The following MYOM1 variants were observed in gnomAD, a reference collection of about 807,000 sequenced individuals.
MYOM1 encodes myomesin 1.
In MYOM1, 164 loss-of-function variants were observed where a neutral mutation model predicts 205.3. That is an observed-to-expected ratio of 0.80 (90% confidence interval 0.70 to 0.91). The LOEUF (loss-of-function observed/expected upper bound fraction) is 0.91, where lower values mean the gene tolerates loss of function less well. Ranked by LOEUF, MYOM1 falls within the 40% of genes least tolerant of loss-of-function variation. MYOM1 has a pLI of 0.00. For synonymous variants in MYOM1, 772 were observed against 789.4 expected (o/e 0.98, Z 0.37); for missense variants, 2,011 against 2,127.3 (o/e 0.95, Z 1.08).
At chr18:3,238,174 A>G in the MYOM1 span, among the ~76,000 whole-genome samples, 1 of 152,208 alleles carries the variant, frequency 6.6e-6, no homozygotes, top group African/African-American at 2.4e-5. Context: ...GATGGGAGAC[A>G]GTGACAGATC....
chr18:3,071,746 G>T, intron 37 of MYOM1, 88 bp downstream of exon 37: 1 of 1,288,852 alleles, frequency 7.8e-7, no homozygotes, highest in Non-Finnish European at 1.1e-6. Flanking sequence ...GGGCTGTTAA[G>T]TGTGCCTTAA....
chr18:3,220,251 T>A (rs2081316066), upstream of MYOM1: 1 of 152,100 alleles, frequency 6.6e-6, no homozygotes, highest in Non-Finnish European at 1.5e-5. Flanking sequence ...ATAGGTGTAG[T>A]AATATGATTC....
chr18:3,116,640 TC>T, intron 20 of MYOM1, 125 bp from the exon 21 acceptor site: 1 of 889,942 alleles, frequency 1.1e-6, no homozygotes, highest in Non-Finnish European at 1.6e-6. Flanking sequence ...AATCTAGCTT[TC>T]CCATGAAAAA....
chr18:3,210,217 T>C (rs1400946604), intron 2 of MYOM1, among the ~76,000 whole-genome samples: 1 of 152,236 alleles, frequency 6.6e-6, no homozygotes, highest in Non-Finnish European at 1.5e-5. Context: ...GGGTAGGAGA[T>C]GGAACAAGCT....
intron 20 of MYOM1, 62 bp downstream of exon 20, chr18:3,119,807 G>A (rs1032924972): frequency 1.3e-6 from 2 of 1,550,496 alleles, no homozygotes; most frequent in Admixed American, 1.9e-5. Context: ...TTCATTCCAG[G>A]TTGTAGGTTC....
At position 3,173,919 on chromosome 18, in the gene MYOM1, A is replaced by G. The variant is rs752734524; in HGVS notation, c.1174+19T>C. 2 of 1,605,630 alleles carry G rather than the reference A, an allele frequency of 1.2e-6. No homozygotes were observed. Among genetic ancestry groups the G allele is most frequent in the South Asian group, 2.2e-5 (2 of 90,890 alleles). On this transcript the variant is annotated intron_variant, in intron 8 of 37. Coordinates refer to ENST00000356443, the MANE Select transcript of MYOM1 (RefSeq NM_003803.4). ...TTTTACATAGAGGTGACACTTAGTA[A>G]ATGTGTTTTTAAACTTACAGCTGAG...
chr18:3,135,428 G>A lies in MYOM1; in HGVS notation c.2209+119C>T, dbSNP rs1440417545. 17 of 869,632 alleles carry A rather than the reference G, an allele frequency of 2.0e-5. No homozygotes were observed. The highest frequency in any genetic ancestry group is 2.9e-5 in the Non-Finnish European group (17 of 582,072). 53.9% of individuals were successfully genotyped at this position (869,632 alleles called of 1,614,324 possible). On this transcript the variant is annotated intron_variant, in intron 15 of 37. Transcript: ENST00000356443. The surrounding 1 kb of genome is among the most constrained non-coding windows in gnomAD (Gnocchi z 4.1). ...AATGTATAGGTTAAGTACAGCCATC[G>A]AGTAAATTTATAATATGAAAGAAGG...
At chr18:3,141,266 A>T (rs995369040) in intron 14 of MYOM1, among the ~76,000 whole-genome samples, 1 of 152,186 alleles carries the variant, frequency 6.6e-6, no homozygotes, top group Non-Finnish European at 1.5e-5. Flanking sequence ...TCAAATACGG[A>T]TATGTGTTTG....
chr18:3,184,101 T>C (rs2144128008), intron 5 of MYOM1, among the ~76,000 whole-genome samples: 1 of 152,234 alleles, frequency 6.6e-6, no homozygotes, highest in East Asian at 1.9e-4. Context: ...AGACACGTTT[T>C]CTCCATGTTG....
intron 8 of MYOM1, among the ~76,000 whole-genome samples, chr18:3,172,070 T>G (rs12956580): frequency 0.4 from 60,380 of 151,992 alleles, 12,059 homozygotes; most frequent in Middle Eastern, 0.43. Context: ...AAACATTAAA[T>G]GAATCAATGT....
Position 3,135,388 on chromosome 18 carries a change from A to G in MYOM1, c.2209+159T>C, listed in dbSNP as rs1360315362. 1 of 574,014 alleles carries G rather than the reference A, an allele frequency of 1.7e-6. No homozygotes were observed. The highest frequency in any genetic ancestry group is 2.9e-6 in the Non-Finnish European group (1 of 346,314). 35.6% of individuals were successfully genotyped at this position (574,014 alleles called of 1,614,324 possible). On this transcript the variant is annotated intron_variant, in intron 15 of 37. Coordinates refer to ENST00000356443, the MANE Select transcript of MYOM1 (RefSeq NM_003803.4). This position sits in a 1 kb window ranked among gnomAD's most constrained non-coding sequence, Gnocchi z 4.1. ...AAGTTTACTTTTCATAAACAAAAAT[A>G]ATGAATTTTTGTTTAATGTATAGGT... is the stretch of plus-strand genomic sequence containing the variant.
chr18:3,191,680 A>T (rs899236571), intron 3 of MYOM1, among the ~76,000 whole-genome samples: 1 of 151,930 alleles, frequency 6.6e-6, no homozygotes, highest in Non-Finnish European at 1.5e-5. Flanking sequence ...CTAGAAGATC[A>T]ATTTTTCTTC....
rs1307664300 is a variant in MYOM1, at chr18:3,079,183, T to C, written c.4644A>G (p.Gly1548=). 6.2e-7 allele frequency: 1 copy of C among 1,613,748 alleles called. No individual in the cohort carries two copies. The highest frequency in any genetic ancestry group is 1.7e-5 in the Admixed American group (1 of 60,000). Reference sequence around the variant, plus strand: ...ATCTGCAAAATATCTGTTTACCTTGTCCAGAGAGATCCACTGTCTTCTGAT... The same window carrying C: ...ATCTGCAAAATATCTGTTTACCTTGCCCAGAGAGATCCACTGTCTTCTGAT... ...TGHQKTVDLS[G]QAYDEAYAEF... Residue 1548 remains glycine (G), a synonymous_variant, in exon 34 of 38, where the codon GGA becomes GGG. Transcript: ENST00000356443.
At chr18:3,111,593 GA>G (rs1298626845) in intron 22 of MYOM1, among the ~76,000 whole-genome samples, 45 of 152,128 alleles carry the variant, frequency 3.0e-4, no homozygotes, top group Non-Finnish European at 5.7e-4. Context: ...TTAAATAGTT[GA>G]AAAAATTGAA....
At chr18:3,208,923 C>T (rs1264030634) in intron 2 of MYOM1, among the ~76,000 whole-genome samples, 2 of 152,200 alleles carry the variant, frequency 1.3e-5, no homozygotes, top group South Asian at 2.1e-4. Flanking sequence ...AGCCACTGTG[C>T]CCAGACTATC....
chr18:3,158,382 A>G (rs1485801337), intron 10 of MYOM1, among the ~76,000 whole-genome samples: 1 of 152,020 alleles, frequency 6.6e-6, no homozygotes, highest in East Asian at 1.9e-4. Flanking sequence ...ATTTCTTCCA[A>G]TTTTCCCCCA....
chr18:3,220,639 G>A (rs1191075453), upstream of MYOM1, among the ~76,000 whole-genome samples: 19 of 152,200 alleles, frequency 1.2e-4, no homozygotes, highest in Admixed American at 1.2e-3. Flanking sequence ...AAGAGGAGGT[G>A]TAACCCGGTT....
At chr18:3,208,467 G>C (rs994220324) in intron 2 of MYOM1, among the ~76,000 whole-genome samples, 2 of 152,172 alleles carry the variant, frequency 1.3e-5, no homozygotes, top group African/African-American at 4.8e-5. Context: ...AGGTTGCAGT[G>C]AGCTGAGATC....
chr18:3,116,042 A>G lies in MYOM1; in HGVS notation c.3303+289T>C, dbSNP rs187979547. Among the ~76,000 whole-genome samples the G allele has an allele frequency of 2.1e-4, 32 of 152,352 alleles. 1 individual carries two copies. Among genetic ancestry groups the G allele is most frequent in the Admixed American group, 2.0e-3 (30 of 15,306 alleles). Reference sequence around the variant, plus strand: ...TAAGCAGTAAGGTTTTAAGACTATGAGTAACAAAAATGTGTAGTGGGTAAG... The same window carrying G: ...TAAGCAGTAAGGTTTTAAGACTATGGGTAACAAAAATGTGTAGTGGGTAAG... On this transcript the variant is annotated intron_variant, in intron 21 of 37. Transcript: ENST00000356443.
Sources: gnomAD v4.1 joint callset for allele counts (sites outside exome capture counted in the v4.1 genomes callset) on GRCh38, gnomAD v4.1.1 for gene constraint, Gnocchi (gnomAD v3.1) non-coding constraint, MANE v1.5 for transcripts, NCBI Gene and HGNC (gene_info 2026-07-23, HGNC 2026-07-21) for gene names.